The following PRKN variants were observed in gnomAD, a reference collection of about 807,000 sequenced individuals.
PRKN encodes E3 ubiquitin-protein ligase parkin.
In PRKN, 56 loss-of-function variants were observed where a neutral mutation model predicts 59.5. The ratio of observed to expected loss-of-function variants is 0.94; its 90% CI spans 0.76 to 1.18. The LOEUF (loss-of-function observed/expected upper bound fraction) is 1.18. Among genes scored for constraint, PRKN ranks in the 50% most tolerant of loss-of-function variants. PRKN has a pLI of 0.00. For synonymous variants in PRKN, 250 were observed against 222.1 expected, an observed-to-expected ratio of 1.13 and a Z score of -1.12; for missense variants, 657 against 596.4, an observed-to-expected ratio of 1.10 and a Z score of -1.06.
At chr6:161,539,024 C>T (rs999208626) in intron 9 of PRKN, among the ~76,000 whole-genome samples, 4 of 152,140 alleles carry the variant, frequency 2.6e-5, no homozygotes, top group East Asian at 3.9e-4. Context: ...GGCTAACATG[C>T]GATGTTCTTG....
intron 9 of PRKN, among the ~76,000 whole-genome samples, chr6:161,519,182 TG>T (rs896754890): frequency 6.6e-6 from 1 of 151,232 alleles, no homozygotes; most frequent in African/African-American, 2.4e-5. Context: ...CTTTCCAAGC[TG>T]GGGAAGTAGG....
At chr6:162,282,526 TCTCACATATGTCCTCA>T (rs1297478378) in intron 2 of PRKN, among the ~76,000 whole-genome samples, 1 of 152,192 alleles carries the variant, frequency 6.6e-6, no homozygotes, top group Non-Finnish European at 1.5e-5. Flanking sequence ...ATGCAGAAAT[TCTCACATATGTCCTCA>T]AAAACACATG....
rs909226044 is a variant in PRKN, at chr6:161,355,907, G to T, written c.1285+4181C>A. Among the ~76,000 whole-genome samples, 1 of 152,172 alleles carries T rather than the reference G, an allele frequency of 6.6e-6. No homozygotes were observed. Among genetic ancestry groups the T allele is most frequent in the Non-Finnish European group, 1.5e-5 (1 of 68,030 alleles). On this transcript the variant is annotated intron_variant, in intron 11 of 11. Transcript: ENST00000366898. The surrounding 1 kb of genome is among the most constrained non-coding windows in gnomAD (Gnocchi z 6.8). ...ATTATTAAACTGGTGGGTGGGACTC[G>T]TTGGGTAAAGGGGGAAGCAGACACT...
chr6:161,533,646 A>C lies in PRKN; in HGVS notation c.1083+15208T>G, dbSNP rs1167950287. 6.6e-6 allele frequency among the ~76,000 whole-genome samples: 1 copy of C among 152,136 alleles called. No homozygotes were observed. The highest frequency in any genetic ancestry group is 1.5e-5 in the Non-Finnish European group (1 of 68,028). On this transcript the variant is annotated intron_variant, in intron 9 of 11. Transcript: ENST00000366898. This position sits in a 1 kb window ranked among gnomAD's most constrained non-coding sequence, Gnocchi z 4.1. Reference sequence around the variant, plus strand: ...TCAAACCAATCTGTGAGCCCTACGTAAATCAGACACTGCCTCCTCAAGCCT... The same window carrying C: ...TCAAACCAATCTGTGAGCCCTACGTCAATCAGACACTGCCTCCTCAAGCCT...
chr6:162,105,942 A>G (rs1205719073), intron 4 of PRKN, among the ~76,000 whole-genome samples: 1 of 152,208 alleles, frequency 6.6e-6, no homozygotes, highest in Non-Finnish European at 1.5e-5. Flanking sequence ...TTTCTCATGG[A>G]TCCAATCGTC....
At chr6:162,386,063 A>T (rs1404561104) in intron 2 of PRKN, among the ~76,000 whole-genome samples, 1 of 152,180 alleles carries the variant, frequency 6.6e-6, no homozygotes, top group East Asian at 1.9e-4. Context: ...GCCTATGCAG[A>T]TGCAGGATAC....
chr6:162,682,350 T>C (rs551716266), intron 1 of PRKN, among the ~76,000 whole-genome samples: 84 of 152,010 alleles, frequency 5.5e-4, no homozygotes, highest in Middle Eastern at 3.2e-3. Context: ...AGACATGGAA[T>C]CAACCTAGAT....
At chr6:161,691,435 C>G (rs1785789736) in intron 7 of PRKN, among the ~76,000 whole-genome samples, 2 of 152,324 alleles carry the variant, frequency 1.3e-5, no homozygotes, top group South Asian at 4.1e-4. Context: ...AATTGGGGAT[C>G]AAGAAGTGCT....
chr6:162,081,631 T>G (rs923697847), intron 4 of PRKN, among the ~76,000 whole-genome samples: 2 of 152,136 alleles, frequency 1.3e-5, no homozygotes, highest in African/African-American at 4.8e-5. Flanking sequence ...CACAGTAAAC[T>G]TAGCATAATC....
chr6:162,556,761 A>AAG (rs1554243668), intron 1 of PRKN, among the ~76,000 whole-genome samples: 24 of 151,238 alleles, frequency 1.6e-4, no homozygotes, highest in South Asian at 4.2e-4. Flanking sequence ...AAAAAAAAAA[A>AAG]AAGAGAAAAG....
intron 6 of PRKN, among the ~76,000 whole-genome samples, chr6:161,946,785 G>A (rs940314831): frequency 1.2e-4 from 19 of 152,236 alleles, no homozygotes; most frequent in African/African-American, 2.2e-4. Context: ...AAAAGTAAGC[G>A]ATCTCAATGT....
chr6:161,851,371 C>G (rs1451035258), intron 6 of PRKN, among the ~76,000 whole-genome samples: 1 of 152,128 alleles, frequency 6.6e-6, no homozygotes, highest in Non-Finnish European at 1.5e-5. Flanking sequence ...TTATAAATTG[C>G]CTAGTCTGTG....
chr6:162,679,722 T>C (rs1018056109), intron 1 of PRKN, among the ~76,000 whole-genome samples: 6 of 152,160 alleles, frequency 3.9e-5, no homozygotes, highest in Admixed American at 3.9e-4. Flanking sequence ...ATGTTGATAA[T>C]AACCCCTTCT....
At chr6:161,837,557 T>C (rs1375227621) in intron 6 of PRKN, among the ~76,000 whole-genome samples, 1 of 150,772 alleles carries the variant, frequency 6.6e-6, no homozygotes, top group Admixed American at 6.6e-5. Context: ...TTCCTGGGTG[T>C]CTGGGTTTTT....
At chr6:162,408,644 G>A (rs1010665634) in intron 2 of PRKN, among the ~76,000 whole-genome samples, 1 of 152,148 alleles carries the variant, frequency 6.6e-6, no homozygotes, top group Non-Finnish European at 1.5e-5. Context: ...CACATACAGA[G>A]TTGACTATAA....
chr6:162,357,758 A>G (rs965168490), intron 2 of PRKN, among the ~76,000 whole-genome samples: 3 of 152,232 alleles, frequency 2.0e-5, no homozygotes, highest in African/African-American at 7.2e-5. Flanking sequence ...TGAGTCACCA[A>G]TAGATATGAA....
intron 6 of PRKN, among the ~76,000 whole-genome samples, chr6:161,965,856 C>T (rs1028173819): frequency 6.6e-6 from 1 of 151,914 alleles, no homozygotes; most frequent in African/African-American, 2.4e-5. Flanking sequence ...CTGTGGAGAC[C>T]AAGGTTCTTC....
At chr6:161,917,533 G>A (rs1778616155) in intron 6 of PRKN, among the ~76,000 whole-genome samples, 1 of 152,150 alleles carries the variant, frequency 6.6e-6, no homozygotes, top group Non-Finnish European at 1.5e-5. Context: ...TTACATGATG[G>A]ATTAGGATAT....
chr6:162,416,860 G>A (rs1788653778), intron 2 of PRKN, among the ~76,000 whole-genome samples: 1 of 152,082 alleles, frequency 6.6e-6, no homozygotes, highest in Non-Finnish European at 1.5e-5. Flanking sequence ...ATACTAAAAT[G>A]AATCAACTTA....
Sources: gnomAD v4.1 joint callset for allele counts (sites outside exome capture counted in the v4.1 genomes callset) on GRCh38, gnomAD v4.1.1 for gene constraint, Gnocchi (gnomAD v3.1) non-coding constraint, MANE v1.5 for transcripts, NCBI Gene and HGNC (gene_info 2026-07-23, HGNC 2026-07-21) for gene names.